ROBO2: variants seen among roughly 807,000 people sequenced by gnomAD.
ROBO2 encodes the protein roundabout guidance receptor 2, also known as roundabout homolog 2.
Under a neutral mutation model 160.8 loss-of-function variants are expected in ROBO2, and 53 were observed. That is an observed-to-expected ratio of 0.33 (90% CI 0.26 to 0.41). ROBO2 has a LOEUF of 0.41. Ranked by LOEUF, ROBO2 falls within the 10% of genes least tolerant of loss-of-function variation. The pLI, the probability that ROBO2 is intolerant of heterozygous loss-of-function variation, is 1.00. For missense variants in ROBO2, 1,577 were observed against 1,722.4 expected (o/e 0.92, Z 1.49); for synonymous variants, 664 against 611.7 (o/e 1.09, Z -1.26).
At chr3:76,314,431 A>G (rs914319855) in intron 2 of ROBO2, among the ~76,000 whole-genome samples, 2 of 152,014 alleles carry the variant, frequency 1.3e-5, no homozygotes, top group Non-Finnish European at 1.5e-5. Context: ...GAAGTTATAT[A>G]TAAATAGATA....
rs185405135 is a variant in ROBO2, at chr3:75,919,493, T to A, written c.-14+12533T>A. 3.9e-4 allele frequency among the ~76,000 whole-genome samples: 59 copies of A among 152,284 alleles called. 1 individual carries two copies. In the East Asian group the frequency reaches 0.011, roughly 29 times the overall value. ...GTTCGTCAGTGATATTGGCCTGAAA[T>A]TTTCTTTTTTTATTGGGTCTTTGCC... On this transcript the variant is annotated intron_variant, in intron 1 of 26. Coordinates refer to the ROBO2 transcript ENST00000487694.
At chr3:77,368,254 CA>C (rs1428398936) in intron 2 of ROBO2, among the ~76,000 whole-genome samples, 3 of 47,624 alleles carry the variant, frequency 6.3e-5, no homozygotes, top group Non-Finnish European at 1.4e-4. Context: ...CAAATACATT[CA>C]TTTTTTTGTT....
chr3:77,538,332 G>A (rs1484498716), intron 6 of ROBO2, among the ~76,000 whole-genome samples: 1 of 151,518 alleles, frequency 6.6e-6, no homozygotes, highest in Non-Finnish European at 1.5e-5. Flanking sequence ...TCGCCGCCAC[G>A]ACGCCCAGAT....
At chr3:76,010,418 T>C (rs1424699455) in intron 2 of ROBO2, among the ~76,000 whole-genome samples, 1 of 152,228 alleles carries the variant, frequency 6.6e-6, no homozygotes, top group Non-Finnish European at 1.5e-5. Context: ...GCTGGAGGTA[T>C]GATTTCCCTG....
At chr3:76,054,027 C>A (rs543464262) in intron 2 of ROBO2, among the ~76,000 whole-genome samples, 1 of 152,002 alleles carries the variant, frequency 6.6e-6, no homozygotes, top group East Asian at 1.9e-4. Context: ...ACTAAATTGA[C>A]CAAAGACATT....
chr3:77,566,157 A>G (rs1420678324), intron 12 of ROBO2, among the ~76,000 whole-genome samples: 2 of 152,074 alleles, frequency 1.3e-5, no homozygotes, highest in Admixed American at 6.6e-5. Flanking sequence ...CTAGCATGCT[A>G]TTATAACGGA....
intron 2 of ROBO2, among the ~76,000 whole-genome samples, chr3:77,195,934 T>C (rs1420271282): frequency 1.3e-5 from 2 of 152,194 alleles, no homozygotes; most frequent in Non-Finnish European, 2.9e-5. Flanking sequence ...CATTGGGTGA[T>C]AAATGTCCAA....
chr3:77,564,040 A>G (rs918816378), intron 11 of ROBO2, among the ~76,000 whole-genome samples: 1 of 152,126 alleles, frequency 6.6e-6, no homozygotes, highest in Non-Finnish European at 1.5e-5. Context: ...GACAGTATAA[A>G]TTTTAATGGA....
At chr3:76,199,722 T>C (rs187388656) in intron 2 of ROBO2, among the ~76,000 whole-genome samples, 5 of 152,302 alleles carry the variant, frequency 3.3e-5, no homozygotes, top group Non-Finnish European at 5.9e-5. Context: ...TCTCTAGTTT[T>C]GTTCCCACTT....
intron 2 of ROBO2, among the ~76,000 whole-genome samples, chr3:76,837,475 A>C (rs968733475): frequency 6.6e-6 from 1 of 151,732 alleles, no homozygotes; most frequent in Non-Finnish European, 1.5e-5. Context: ...AAACCATTTA[A>C]TACGGTGTTC....
At chr3:77,500,076 C>T (rs1440936101) in intron 5 of ROBO2, among the ~76,000 whole-genome samples, 1 of 152,170 alleles carries the variant, frequency 6.6e-6, no homozygotes, top group Non-Finnish European at 1.5e-5. Flanking sequence ...CCAGTGCAAT[C>T]AGTCACCTGG....
intron 2 of ROBO2, among the ~76,000 whole-genome samples, chr3:76,322,354 G>T (rs2072634960): frequency 6.6e-6 from 1 of 151,264 alleles, no homozygotes; most frequent in African/African-American, 2.4e-5. Flanking sequence ...TCATTTATCA[G>T]TTATATGTTA....
chr3:76,962,320 C>G (rs563719457), intron 2 of ROBO2, among the ~76,000 whole-genome samples: 1 of 151,162 alleles, frequency 6.6e-6, no homozygotes, highest in Non-Finnish European at 1.5e-5. Flanking sequence ...GGCAACAGAG[C>G]GAGATTCCAT....
At chr3:76,680,284 A>G (rs1264962992) in intron 2 of ROBO2, among the ~76,000 whole-genome samples, 1 of 151,486 alleles carries the variant, frequency 6.6e-6, no homozygotes, top group Non-Finnish European at 1.5e-5. Flanking sequence ...TGAATATTTT[A>G]GAACATTTTT....
intron 2 of ROBO2, among the ~76,000 whole-genome samples, chr3:76,790,659 C>T (rs572681671): frequency 3.3e-5 from 5 of 151,564 alleles, no homozygotes; most frequent in African/African-American, 7.3e-5. Context: ...TCAACTACAT[C>T]GCATTTCCCA....
At chr3:76,249,167 C>A (rs1022589753) in intron 2 of ROBO2, among the ~76,000 whole-genome samples, 1 of 152,028 alleles carries the variant, frequency 6.6e-6, no homozygotes, top group Non-Finnish European at 1.5e-5. Context: ...TATTAAGAGA[C>A]AACTTGTTAA....
At chr3:76,260,787 A>G (rs1179907350) in intron 2 of ROBO2, among the ~76,000 whole-genome samples, 3 of 152,122 alleles carry the variant, frequency 2.0e-5, no homozygotes, top group African/African-American at 7.2e-5. Context: ...CATCACACAC[A>G]ATTTGCATTT....
At chr3:76,104,620 A>G (rs2108194037) in intron 2 of ROBO2, among the ~76,000 whole-genome samples, 1 of 151,484 alleles carries the variant, frequency 6.6e-6, no homozygotes, top group Non-Finnish European at 1.5e-5. Flanking sequence ...TCATCTTAGC[A>G]AGTAGGCTAC....
rs548996365 is a variant in ROBO2 at position 77,578,029 on chromosome 3, G to A, written c.2328+415G>A. ...ATGCTTCGGGGGTTAAAGAGGTGGAGTGGGTTGTGGCAGCACCGACTCTCA... is the reference window on the plus strand; with the variant it reads ...ATGCTTCGGGGGTTAAAGAGGTGGAATGGGTTGTGGCAGCACCGACTCTCA... On this transcript the variant is annotated intron_variant, in intron 15 of 25. Coordinates refer to ENST00000461745, the Ensembl canonical transcript of ROBO2. 1.3e-3 allele frequency among the ~76,000 whole-genome samples: 194 copies of A among 152,144 alleles called. 1 individual carries two copies. Among genetic ancestry groups the A allele is most frequent in the Non-Finnish European group, 1.9e-3 (132 of 67,974 alleles).
Sources: allele counts gnomAD v4.1 joint callset (sites outside exome capture counted in the v4.1 genomes callset), GRCh38; gene constraint gnomAD v4.1.1; transcripts MANE v1.5; gene names NCBI Gene and HGNC (gene_info 2026-07-23, HGNC 2026-07-21).